Variants in SIPA1L2 observed in about 807,000 individuals in gnomAD.
The protein encoded by SIPA1L2 is signal-induced proliferation-associated 1-like protein 2.
Under a neutral mutation model 163.9 loss-of-function variants are expected in SIPA1L2, and 56 were observed. The observed-to-expected ratio is 0.34, with a 90% CI of 0.28 to 0.43. The LOEUF (loss-of-function observed/expected upper bound fraction) is 0.43. Among genes scored for constraint, SIPA1L2 ranks in the 20% least tolerant of loss-of-function variants. The pLI is 1.00. For synonymous variants in SIPA1L2, 877 were observed against 865.7 expected (o/e 1.01, Z -0.23); for missense variants, 1,974 against 2,193.5 (o/e 0.90, Z 2.00).
intron 2 of SIPA1L2, among the ~76,000 whole-genome samples, chr1:232,542,748 T>C (rs963133685): frequency 2.0e-5 from 3 of 152,210 alleles, no homozygotes; most frequent in African/African-American, 7.2e-5. Flanking sequence ...GGCAAGGTAT[T>C]TGCAGTTACG....
At position 232,615,936 on chromosome 1, in the gene SIPA1L2, G is replaced by A. The variant is rs112121982; in HGVS notation, c.-319+13933C>T. ...AAAGAACATGTAATAAATAGCTGAC[G>A]AATGAATACATCTGAGCACCAGCTA... On this transcript the variant is annotated intron_variant, in intron 1 of 22. Coordinates refer to ENST00000674635, the MANE Select transcript of SIPA1L2 (RefSeq NM_020808.5). Among the ~76,000 whole-genome samples, 6 of 152,276 alleles carry A rather than the reference G, an allele frequency of 3.9e-5. 1 individual carries two copies. Among genetic ancestry groups the A allele is most frequent in the South Asian group, 2.1e-4 (1 of 4,824 alleles).
At chr1:232,462,283 G>T (rs1254652281) in intron 9 of SIPA1L2, 1 of 1,550,262 alleles carries the variant, frequency 6.5e-7, no homozygotes, top group Non-Finnish European at 8.7e-7. Flanking sequence ...GGAATTTCAA[G>T]TTGGGAGGTA....
intron 1 of SIPA1L2, among the ~76,000 whole-genome samples, chr1:232,627,306 G>A (rs969831046): frequency 3.3e-5 from 5 of 152,124 alleles, no homozygotes; most frequent in African/African-American, 1.2e-4. Flanking sequence ...AACTAGTTTC[G>A]ATGCCCAAAC....
rs1400788878 is a variant in SIPA1L2, at chr1:232,430,115, G to A, written c.4257-1551C>T. On this transcript the variant is annotated intron_variant, in intron 16 of 22. Coordinates refer to ENST00000674635, the MANE Select transcript of SIPA1L2 (RefSeq NM_020808.5). Reference sequence around the variant, plus strand: ...CCACCGTGAGTAGTGAAGTTAAGCAGGACAGGGGGCTTGCACAGGACCTCC... The same window carrying A: ...CCACCGTGAGTAGTGAAGTTAAGCAAGACAGGGGGCTTGCACAGGACCTCC... 2.6e-5 allele frequency among the ~76,000 whole-genome samples: 4 copies of A among 152,216 alleles called. No homozygotes were observed. In the East Asian group the frequency reaches 7.7e-4, roughly 29 times the overall value.
At chr1:232,565,109 T>G (rs1659328641) in intron 2 of SIPA1L2, among the ~76,000 whole-genome samples, 1 of 152,174 alleles carries the variant, frequency 6.6e-6, no homozygotes, top group African/African-American at 2.4e-5. Flanking sequence ...ATAGAAATAG[T>G]AAGTGTCTAA....
chr1:232,528,285 A>C (rs1377585118), intron 2 of SIPA1L2, among the ~76,000 whole-genome samples: 1 of 152,010 alleles, frequency 6.6e-6, no homozygotes. Flanking sequence ...TCCATTAAAC[A>C]GACAAGGAAA....
intron 1 of SIPA1L2, among the ~76,000 whole-genome samples, chr1:232,598,887 AAGAC>A (rs2102848869): frequency 6.6e-6 from 1 of 152,008 alleles, no homozygotes; most frequent in African/African-American, 2.4e-5. Flanking sequence ...TAAGATGAAC[AAGAC>A]AAACAGGCCT....
intron 2 of SIPA1L2, among the ~76,000 whole-genome samples, chr1:232,529,471 T>C (rs77176742): frequency 0.027 from 4,093 of 152,334 alleles, 78 homozygotes; most frequent in Non-Finnish European, 0.039. Flanking sequence ...ATGGGTGACA[T>C]GGCTCCTGGC....
intron 2 of SIPA1L2, among the ~76,000 whole-genome samples, chr1:232,562,567 T>C (rs538497908): frequency 4.1e-4 from 62 of 152,364 alleles, no homozygotes; most frequent in African/African-American, 1.5e-3. Flanking sequence ...ATAATGAGAA[T>C]TTTTTTCCAT....
intron 2 of SIPA1L2, among the ~76,000 whole-genome samples, chr1:232,553,049 C>T (rs1485534500): frequency 1.3e-5 from 2 of 152,158 alleles, no homozygotes; most frequent in African/African-American, 4.8e-5. Context: ...TCTTGGTACT[C>T]GGGTTCTTGT....
At chr1:232,594,441 G>A (rs537199767) in intron 1 of SIPA1L2, among the ~76,000 whole-genome samples, 1 of 152,100 alleles carries the variant, frequency 6.6e-6, no homozygotes, top group South Asian at 2.1e-4. Context: ...ACCGAGCGGA[G>A]CCAGGGCGGG....
chr1:232,420,752 G>A (rs1400492118), intron 18 of SIPA1L2, among the ~76,000 whole-genome samples: 5 of 152,128 alleles, frequency 3.3e-5, no homozygotes, highest in East Asian at 3.9e-4. Context: ...GGAGAATGGC[G>A]TGAACCTGGG....
chr1:232,606,869 A>G (rs1661950271), intron 1 of SIPA1L2, among the ~76,000 whole-genome samples: 1 of 151,964 alleles, frequency 6.6e-6, no homozygotes, highest in African/African-American at 2.4e-5. Context: ...AAGAACATGT[A>G]CCAAAAACAT....
chr1:232,420,819 A>G (rs1206976845), intron 18 of SIPA1L2, among the ~76,000 whole-genome samples: 6 of 151,990 alleles, frequency 3.9e-5, no homozygotes, highest in Non-Finnish European at 7.3e-5. Context: ...TGAGCGAAAG[A>G]GTGAGACTCC....
intron 2 of SIPA1L2, among the ~76,000 whole-genome samples, chr1:232,527,208 A>AAAGCAGAAAAGAGGACAG (rs1164755293): frequency 4.6e-5 from 7 of 152,242 alleles, no homozygotes; most frequent in Non-Finnish European, 7.3e-5. Flanking sequence ...ACTAAATTAA[A>AAAGCAGAAAAGAGGACAG]AAGCAGAAAA....
chr1:232,464,576 A>G (rs1664409378), intron 9 of SIPA1L2, among the ~76,000 whole-genome samples: 2 of 152,192 alleles, frequency 1.3e-5, no homozygotes, highest in Non-Finnish European at 2.9e-5. Context: ...TTCAAATGCT[A>G]CTAAAATACA....
rs1431482315 is a variant in SIPA1L2, at chr1:232,483,980, G to A, written c.1807-14C>T. The A allele has an allele frequency of 1.3e-6, 2 of 1,598,322 alleles. No homozygotes were observed. Among genetic ancestry groups the A allele is most frequent in the Admixed American group, 3.6e-5 (2 of 55,328 alleles). ...CTGAAAGCTCAGCTGAAATGGGGGA[G>A]AAATATAATTACTTGGCAAAGCATA... On this transcript the variant is annotated splice_polypyrimidine_tract_variant and intron_variant, in intron 5 of 22. Coordinates refer to ENST00000674635, the MANE Select transcript of SIPA1L2 (RefSeq NM_020808.5).
intron 2 of SIPA1L2, among the ~76,000 whole-genome samples, chr1:232,553,181 G>A (rs1374062618): frequency 1.3e-5 from 2 of 152,074 alleles, no homozygotes; most frequent in Non-Finnish European, 2.9e-5. Context: ...AGGTAGAGTG[G>A]GAGGATCATC....
At chr1:232,617,616 A>G (rs950587813) in intron 1 of SIPA1L2, among the ~76,000 whole-genome samples, 2 of 152,218 alleles carry the variant, frequency 1.3e-5, no homozygotes, top group Non-Finnish European at 2.9e-5. Context: ...ACATGCAAGA[A>G]CATGCAAAAC....
Sources: allele counts gnomAD v4.1 joint callset (sites outside exome capture counted in the v4.1 genomes callset), GRCh38; gene constraint gnomAD v4.1.1; transcripts MANE v1.5; gene names NCBI Gene and HGNC (gene_info 2026-07-23, HGNC 2026-07-21).